Variants in BCAS4 observed in about 807,000 individuals in gnomAD.
BCAS4 encodes breast carcinoma-amplified sequence 4.
BCAS4 carries 9 observed loss-of-function variants against 15.7 expected under a neutral mutation model. That is an observed-to-expected ratio of 0.57 (90% CI 0.34 to 1.00). BCAS4 has a LOEUF of 1.00. BCAS4 is among the 50% of genes least tolerant of loss of function. The pLI, the probability that BCAS4 is intolerant of heterozygous loss-of-function variation, is 0.02. For missense variants in BCAS4, 225 were observed against 239.1 expected (o/e 0.94, Z 0.39); for synonymous variants, 101 against 99.5 (o/e 1.02, Z -0.09).
chr20:50,829,847 G>C (rs2088322486), intron 2 of BCAS4, among the ~76,000 whole-genome samples: 1 of 152,088 alleles, frequency 6.6e-6, no homozygotes, highest in Admixed American at 6.6e-5. Context: ...CATAAGAGTT[G>C]TGGCTTTCAT....
rs199864782 is a variant in BCAS4, at chr20:50,837,969, TACAC to T, written c.265-3786_265-3783del. On this transcript the variant is annotated intron_variant, in intron 3 of 4. Coordinates refer to ENST00000371608, the MANE Select transcript of BCAS4 (RefSeq NM_198799.4). ...GGCCCATTTCCCACCCACCCACCTC[TACAC>T]ACACACACACGCACACATCTGCACA... 4.3e-5 allele frequency among the ~76,000 whole-genome samples: 6 copies of T among 139,412 alleles called. No homozygotes were observed. In the South Asian group the frequency reaches 1.1e-3, roughly 25 times the overall value. The allele number at this position is 139,412 out of a possible 152,430, so 91.5% of individuals were successfully genotyped here. A position where few individuals can be genotyped will look rare whatever the true frequency, so the allele number is the denominator to read the frequency against.
At chr20:50,853,139 A>ATT (rs35651267) in intron 4 of BCAS4, among the ~76,000 whole-genome samples, 1,328 of 106,836 alleles carry the variant, frequency 0.012, no homozygotes, top group Non-Finnish European at 0.016. Context: ...ATCCCCTTTC[A>ATT]TTTTTTTTTT....
At chr20:50,803,734 T>G (rs2087956022) in intron 1 of BCAS4, among the ~76,000 whole-genome samples, 1 of 150,138 alleles carries the variant, frequency 6.7e-6, no homozygotes. Context: ...AGTCCCAGCT[T>G]CTGAGCTGTG....
intron 4 of BCAS4, among the ~76,000 whole-genome samples, chr20:50,855,562 C>G (rs917934417): frequency 6.6e-6 from 1 of 152,044 alleles, no homozygotes; most frequent in African/African-American, 2.4e-5. Context: ...CCTGGGACCC[C>G]TTCCTCCTCA....
chr20:50,872,863 C>G (rs997408862), intron 4 of BCAS4, among the ~76,000 whole-genome samples: 2 of 152,246 alleles, frequency 1.3e-5, no homozygotes, highest in Non-Finnish European at 2.9e-5. Flanking sequence ...GCCTCTGCAG[C>G]CTTCTGTCTG....
intron 4 of BCAS4, among the ~76,000 whole-genome samples, chr20:50,873,020 CAG>C (rs1324306487): frequency 6.6e-6 from 1 of 152,248 alleles, no homozygotes; most frequent in Admixed American, 6.5e-5. Context: ...CAGACACCGA[CAG>C]AGCTTGTCTC....
intron 4 of BCAS4, among the ~76,000 whole-genome samples, chr20:50,858,702 C>T (rs1189267811): frequency 7.4e-6 from 1 of 135,766 alleles, no homozygotes; most frequent in Non-Finnish European, 1.5e-5. Flanking sequence ...ACAGATACAA[C>T]CATCCTTTTT....
At chr20:50,878,105 A>AG (rs11480792), downstream of BCAS4, 152,342 of 152,342 alleles carry the variant, frequency 1, 76,171 homozygotes, top group Non-Finnish European at 1. Context: ...GAAATAGTTT[A>AG]GACAATTTTT....
At chr20:50,820,527 G>A (rs556396975) in intron 2 of BCAS4, among the ~76,000 whole-genome samples, 8 of 152,274 alleles carry the variant, frequency 5.3e-5, no homozygotes, top group South Asian at 2.1e-4. Flanking sequence ...TCGTGGTTGC[G>A]GGCAGGGAAG....
At chr20:50,855,068 G>A (rs1978682601) in intron 4 of BCAS4, among the ~76,000 whole-genome samples, 1 of 152,208 alleles carries the variant, frequency 6.6e-6, no homozygotes, top group Non-Finnish European at 1.5e-5. Context: ...ACGCCCACCT[G>A]GGCACACCCG....
intron 3 of BCAS4, among the ~76,000 whole-genome samples, chr20:50,837,416 T>A (rs1568669917): frequency 6.6e-6 from 1 of 152,130 alleles, no homozygotes; most frequent in Non-Finnish European, 1.5e-5. Flanking sequence ...GCAAGACCCC[T>A]GTGTCCAGGG....
chr20:50,860,192 C>G (rs950566740), intron 4 of BCAS4, among the ~76,000 whole-genome samples: 2 of 152,124 alleles, frequency 1.3e-5, no homozygotes, highest in Non-Finnish European at 2.9e-5. Flanking sequence ...TGGTAACATG[C>G]TTCAAAACCA....
At chr20:50,796,380 C>A (rs1275643177) in intron 1 of BCAS4, among the ~76,000 whole-genome samples, 3 of 124,536 alleles carry the variant, frequency 2.4e-5, no homozygotes, top group Non-Finnish European at 3.3e-5. Context: ...AAAAAAAAAA[C>A]CATAAAATAT....
intron 1 of BCAS4, 129 bp downstream of exon 1, chr20:50,795,302 G>A: frequency 1.1e-6 from 1 of 885,918 alleles, no homozygotes; most frequent in Non-Finnish European, 1.5e-6. Context: ...CCCCCTTCCT[G>A]AAGGGTGGCT....
intron 4 of BCAS4, among the ~76,000 whole-genome samples, chr20:50,861,846 C>CTTT (rs773052138): frequency 4.3e-4 from 47 of 109,272 alleles, no homozygotes; most frequent in African/African-American, 6.7e-4. Context: ...TCTTCTTCTC[C>CTTT]TTTTTTTTTT....
intron 4 of BCAS4, among the ~76,000 whole-genome samples, chr20:50,861,960 C>G (rs1046412925): frequency 6.7e-6 from 1 of 149,764 alleles, no homozygotes; most frequent in African/African-American, 2.5e-5. Flanking sequence ...CTCAAACGAT[C>G]CTCCTGCCTC....
intron 1 of BCAS4, among the ~76,000 whole-genome samples, chr20:50,796,489 T>A (rs34829821): frequency 3.2e-3 from 37 of 11,724 alleles, no homozygotes; most frequent in South Asian, 8.6e-3. Context: ...ATATATATAT[T>A]TTTTTTTTTT....
chr20:50,861,496 C>G (rs1231045417), intron 4 of BCAS4, among the ~76,000 whole-genome samples: 1 of 152,224 alleles, frequency 6.6e-6, no homozygotes, highest in African/African-American at 2.4e-5. Flanking sequence ...TGGCCTCCGT[C>G]CAGCACGGAC....
At chr20:50,840,862 T>G (rs1275573738) in intron 3 of BCAS4, 1 of 831,096 alleles carries the variant, frequency 1.2e-6, no homozygotes, top group Non-Finnish European at 2.1e-6. Context: ...GGAGTTTCAC[T>G]CTTGTCGCGC....
Sources: allele counts gnomAD v4.1 joint callset (sites outside exome capture counted in the v4.1 genomes callset), GRCh38; gene constraint gnomAD v4.1.1; transcripts MANE v1.5; gene names NCBI Gene and HGNC (gene_info 2026-07-23, HGNC 2026-07-21).